Variants in ZNF875 observed in about 807,000 individuals in gnomAD.
The protein encoded by ZNF875 is zinc finger protein 875.
A neutral mutation model predicts 11.2 loss-of-function variants in ZNF875; 14 were observed. The ratio of observed to expected loss-of-function variants is 1.26; its 90% confidence interval spans 0.83 to 1.96. The LOEUF is 1.96. ZNF875 is among the 30% of genes most tolerant of loss of function. The probability of loss-of-function intolerance (pLI) is 0.00; values close to 1 mark genes in which losing one functional copy is unlikely to be tolerated. For missense variants in ZNF875, 752 were observed against 760.4 expected (o/e 0.99, Z 0.13); for synonymous variants, 301 against 281.1 (o/e 1.07, Z -0.71).
chr19:37,314,331 G>A (rs2030090016), upstream of ZNF875, among the ~76,000 whole-genome samples: 1 of 151,968 alleles, frequency 6.6e-6, no homozygotes, highest in African/African-American at 2.4e-5. Context: ...GCAGAGACAG[G>A]TCTCAAACTC....
intron 2 of ZNF875, among the ~76,000 whole-genome samples, chr19:37,340,490 A>C (rs1335463746): frequency 6.6e-6 from 1 of 152,002 alleles, no homozygotes; most frequent in African/African-American, 2.4e-5. Flanking sequence ...CAGTAACATC[A>C]CTTTTCAGAA....
chr19:37,352,573 C>T (rs528719184), intron 4 of ZNF875, among the ~76,000 whole-genome samples: 12 of 152,088 alleles, frequency 7.9e-5, no homozygotes, highest in South Asian at 4.2e-4. Context: ...TTACTCTTTC[C>T]GTGGCATACC....
At chr19:37,346,277 T>C (rs2036747588) in intron 2 of ZNF875, 1 of 152,216 alleles carries the variant, frequency 6.6e-6, no homozygotes, top group African/African-American at 2.4e-5. Flanking sequence ...TAAGCACTGT[T>C]ATTTTTAGTT....
intron 2 of ZNF875, chr19:37,346,740 A>G (rs764080449): frequency 2.1e-5 from 4 of 192,192 alleles, no homozygotes; most frequent in Non-Finnish European, 3.2e-5. Flanking sequence ...AGGTGCATAA[A>G]TGATGCTGGC....
chr19:37,343,897 T>G (rs1250560689), intron 2 of ZNF875, among the ~76,000 whole-genome samples: 2 of 152,128 alleles, frequency 1.3e-5, no homozygotes, highest in East Asian at 3.9e-4. Context: ...TTCTAAACAA[T>G]AAGTAACTTA....
intron 4 of ZNF875, among the ~76,000 whole-genome samples, chr19:37,356,230 C>T (rs114450752): frequency 0.017 from 2,640 of 152,196 alleles, 97 homozygotes; most frequent in African/African-American, 0.06. Context: ...AATAGTGCTG[C>T]GATAAGCATA....
chr19:37,363,046 G>A lies in ZNF875; in HGVS notation c.1194G>A (p.Glu398=), dbSNP rs1428592684. 1 of 1,613,976 alleles carries A rather than the reference G, an allele frequency of 6.2e-7. No individual in the cohort carries two copies. The highest frequency in any genetic ancestry group is 2.2e-5 in the East Asian group (1 of 44,884). Residue 398 remains glutamate, a synonymous_variant, in exon 5 of 5, where the codon GAG becomes GAA. Coordinates refer to ENST00000392153, the MANE Select transcript of ZNF875 (RefSeq NM_001353803.2). ...HSGEKPYICR[E]CEQGFSQKSH... is the part of the protein sequence containing the mutation. ...GAGAGAAGCCTTACATTTGCAGGGA[G>A]TGTGAGCAAGGCTTTAGCCAGAAGT...
chr19:37,326,617 T>A (rs1184591843), intron 4 of ZNF875, among the ~76,000 whole-genome samples: 1 of 151,424 alleles, frequency 6.6e-6, no homozygotes. Flanking sequence ...GTTTTTTGAG[T>A]ACCTCTTTCT....
upstream of ZNF875, among the ~76,000 whole-genome samples, chr19:37,331,480 A>T (rs371574024): frequency 6.2e-3 from 941 of 151,262 alleles, 25 homozygotes; most frequent in East Asian, 0.054. Context: ...TGTACTAAGA[A>T]AAATTCTTCT....
chr19:37,361,910 G>T (rs895186860), intron 4 of ZNF875, 199 bp from the exon 5 acceptor site: 16 of 503,598 alleles, frequency 3.2e-5, no homozygotes, highest in East Asian at 1.9e-4. Flanking sequence ...GAAAGACTCC[G>T]TTTAAAAAAA....
At chr19:37,329,544 T>G (rs2033062738) in intron 4 of ZNF875, among the ~76,000 whole-genome samples, 1 of 152,234 alleles carries the variant, frequency 6.6e-6, no homozygotes, top group Non-Finnish European at 1.5e-5. Flanking sequence ...AGATAAATGT[T>G]TATGTGAACA....
Position 37,334,667 on chromosome 19 carries a change from A to C in ZNF875, c.-172A>C, listed in dbSNP as rs1396437483. The C allele has an allele frequency of 4.4e-6, 2 of 456,010 alleles. No homozygotes were observed. The highest frequency in any genetic ancestry group is 3.1e-5 in the South Asian group (2 of 64,558). 28.2% of individuals were successfully genotyped at this position (456,010 alleles called of 1,614,324 possible). On this transcript the variant is annotated 5_prime_UTR_variant, in exon 1 of 5. Coordinates refer to ENST00000392153, the MANE Select transcript of ZNF875 (RefSeq NM_001353803.2). ...CAGAAACACTTCCGGTCGGTGGCCC[A>C]GGCGCGTTAAGCTGGTTGGGACCCG...
At chr19:37,317,083 T>A (rs981714060), upstream of ZNF875, 1 of 149,308 alleles carries the variant, frequency 6.7e-6, no homozygotes, top group African/African-American at 2.5e-5. Flanking sequence ...CAAACGATTC[T>A]CCTGCATCAG....
At chr19:37,353,900 C>A (rs1365419239) in intron 4 of ZNF875, among the ~76,000 whole-genome samples, 1 of 152,078 alleles carries the variant, frequency 6.6e-6, no homozygotes, top group African/African-American at 2.4e-5. Flanking sequence ...AGCTTCTTGG[C>A]TCTCTAAGTT....
At chr19:37,361,719 C>T (rs1352731406) in intron 4 of ZNF875, among the ~76,000 whole-genome samples, 1 of 151,930 alleles carries the variant, frequency 6.6e-6, no homozygotes, top group Admixed American at 6.6e-5. Context: ...GAGTTCAAGA[C>T]CAGCCTGGCA....
At position 37,362,211 on chromosome 19, in the gene ZNF875, T is replaced by G. The variant is rs111387020; in HGVS notation, c.359T>G (p.Phe120Cys). 65 of 1,614,142 alleles carry G rather than the reference T, an allele frequency of 4.0e-5. 2 individuals are homozygous for G. In the African/African-American group the frequency reaches 5.5e-4, roughly 14 times the overall value. ...HVWLSHLSQL[F>C]SSLWAGNPLH... ...TGGCTGAGTCATCTCTCTCAGCTGT[T>G]TTCAAGTTTATGGGCAGGAAATCCT... Residue 120 changes from phenylalanine to cysteine, a missense_variant, in exon 5 of 5, where the codon TTT becomes TGT. Phe to Cys is a radical substitution (Grantham distance 205, BLOSUM62 -2). Coordinates refer to ENST00000392153, the MANE Select transcript of ZNF875 (RefSeq NM_001353803.2).
chr19:37,339,985 A>G (rs530808907), intron 2 of ZNF875, among the ~76,000 whole-genome samples: 10 of 151,464 alleles, frequency 6.6e-5, no homozygotes, highest in Non-Finnish European at 1.3e-4. Context: ...TTCATTTATT[A>G]TTATTATTAT....
chr19:37,352,239 A>G (rs1185653896), intron 4 of ZNF875, among the ~76,000 whole-genome samples: 1 of 149,768 alleles, frequency 6.7e-6, no homozygotes, highest in Non-Finnish European at 1.5e-5. Flanking sequence ...TTTTTGAGAC[A>G]GAGTTTTGCT....
chr19:37,321,573 C>T (rs977831115), intron 1 of ZNF875, among the ~76,000 whole-genome samples: 2 of 152,122 alleles, frequency 1.3e-5, no homozygotes, highest in Non-Finnish European at 2.9e-5. Context: ...GTCCCCTGGG[C>T]CCACTTTTCT....
Sources: gnomAD v4.1 joint callset for allele counts (sites outside exome capture counted in the v4.1 genomes callset) on GRCh38, gnomAD v4.1.1 for gene constraint, MANE v1.5 for transcripts, NCBI Gene and HGNC (gene_info 2026-07-23, HGNC 2026-07-21) for gene names.